QKI: variants seen among roughly 807,000 people sequenced by gnomAD.
The protein encoded by QKI is QKI, KH domain containing RNA binding, also known as KH domain-containing RNA-binding protein QKI.
In QKI, 10 loss-of-function variants were observed where a neutral mutation model predicts 39.0. That is an observed-to-expected ratio of 0.26 (90% CI 0.16 to 0.43). The LOEUF (loss-of-function observed/expected upper bound fraction) is 0.43, where lower values mean the gene tolerates loss of function less well. Among genes scored for constraint, QKI ranks in the 20% least tolerant of loss-of-function variants. The pLI is 1.00. For synonymous variants in QKI, 204 were observed against 155.4 expected, an observed-to-expected ratio of 1.31 and a Z score of -2.33; for missense variants, 218 against 428.0, an observed-to-expected ratio of 0.51 and a Z score of 4.33.
intron 4 of QKI, among the ~76,000 whole-genome samples, chr6:163,556,737 C>G (rs1221143748): frequency 6.6e-6 from 1 of 152,120 alleles, no homozygotes; most frequent in Admixed American, 6.5e-5. Context: ...CCCCCAGACT[C>G]TGCTGGGTGT....
intron 4 of QKI, among the ~76,000 whole-genome samples, chr6:163,549,481 C>A (rs987998736): frequency 1.3e-5 from 2 of 152,092 alleles, no homozygotes; most frequent in Admixed American, 1.3e-4. Flanking sequence ...GAGGCTGAGG[C>A]GGGCGGATCT....
chr6:163,525,446 CCTCCCGAATTCAAGCAGTT>C (rs1162357159), intron 3 of QKI, among the ~76,000 whole-genome samples: 2 of 152,006 alleles, frequency 1.3e-5, no homozygotes, highest in Non-Finnish European at 2.9e-5. Flanking sequence ...GCAGCCTCTG[CCTCCCGAATTCAAGCAGTT>C]CTCCTGCCTC....
At chr6:163,474,984 G>T (rs1006555685) in intron 2 of QKI, among the ~76,000 whole-genome samples, 4 of 152,120 alleles carry the variant, frequency 2.6e-5, no homozygotes, top group Admixed American at 6.6e-5. Flanking sequence ...TATGGTTTTT[G>T]AAGAGTCTAT....
intron 3 of QKI, among the ~76,000 whole-genome samples, chr6:163,518,045 C>A (rs533165250): frequency 6.6e-6 from 1 of 152,052 alleles, no homozygotes. Context: ...GTACAAACTC[C>A]TTTTAATATT....
At position 163,416,169 on chromosome 6, in the gene QKI, G is replaced by A. The variant is rs557066835; in HGVS notation, c.142+834G>A. ...GGGGACGCAGCCGCCTGAGTTTGTAGGACAGGGTTTCGAGACGTTTGGAAA... is the reference window on the plus strand; with the variant it reads ...GGGGACGCAGCCGCCTGAGTTTGTAAGACAGGGTTTCGAGACGTTTGGAAA... On this transcript the variant is annotated intron_variant, in intron 1 of 7. Coordinates refer to ENST00000361752, the MANE Select transcript of QKI (RefSeq NM_006775.3). The A allele has an allele frequency of 1.4e-5, 5 of 349,992 alleles. No individual in the cohort carries two copies. The East Asian group carries it at 2.3e-4, about 16-fold the overall frequency. The allele number at this position is 349,992 out of a possible 1,614,324, so 21.7% of individuals were successfully genotyped here. A position where few individuals can be genotyped will look rare whatever the true frequency, so the allele number is the denominator to read the frequency against.
At chr6:163,533,631 A>G (rs1041408614) in intron 3 of QKI, among the ~76,000 whole-genome samples, 1 of 152,208 alleles carries the variant, frequency 6.6e-6, no homozygotes, top group Non-Finnish European at 1.5e-5. Flanking sequence ...CATCAAAAAG[A>G]ATGTAATGTG....
At chr6:163,490,580 G>C (rs1424557135) in intron 3 of QKI, among the ~76,000 whole-genome samples, 1 of 152,196 alleles carries the variant, frequency 6.6e-6, no homozygotes, top group East Asian at 1.9e-4. Context: ...GTGGATGCTT[G>C]GTGTGTCTCA....
chr6:163,566,650 C>T, intron 6 of QKI, 71 bp from the exon 7 acceptor site: 3 of 1,578,772 alleles, frequency 1.9e-6, no homozygotes, highest in South Asian at 1.2e-5. Flanking sequence ...TTTTGATAAA[C>T]CTGCTGTTAA....
chr6:163,524,229 A>G (rs936806153), intron 3 of QKI, among the ~76,000 whole-genome samples: 2 of 152,114 alleles, frequency 1.3e-5, no homozygotes, highest in African/African-American at 2.4e-5. Context: ...AAACCCAAAG[A>G]TTACAGTTGT....
At chr6:163,502,815 C>G (rs778791920) in intron 3 of QKI, among the ~76,000 whole-genome samples, 1 of 152,130 alleles carries the variant, frequency 6.6e-6, no homozygotes, top group Non-Finnish European at 1.5e-5. Context: ...GATGAACATG[C>G]AAGTTGCATG....
intron 3 of QKI, among the ~76,000 whole-genome samples, chr6:163,513,636 C>T (rs187528715): frequency 1.3e-5 from 2 of 152,066 alleles, no homozygotes; most frequent in Non-Finnish European, 1.5e-5. Flanking sequence ...CAGGAATGTT[C>T]GATGATGCAG....
rs139913701 is a variant in QKI, at chr6:163,555,887, T to G, written c.547-6095T>G. Reference sequence around the variant, plus strand: ...TACTAAATAAACATGATTTTCTTACTTTCTAACATGTGGTCTGATGAATTC... The same window carrying G: ...TACTAAATAAACATGATTTTCTTACGTTCTAACATGTGGTCTGATGAATTC... On this transcript the variant is annotated intron_variant, in intron 4 of 7. Transcript: ENST00000361752. Among the ~76,000 whole-genome samples, 55 of 152,332 alleles carry G rather than the reference T, an allele frequency of 3.6e-4. No homozygotes were observed. The East Asian group carries it at 0.011, about 29-fold the overall frequency.
intron 1 of QKI, among the ~76,000 whole-genome samples, chr6:163,436,746 C>T (rs1789308725): frequency 7.5e-6 from 1 of 133,856 alleles, no homozygotes; most frequent in Non-Finnish European, 1.5e-5. Context: ...GCCAAGATCA[C>T]TCCATTGCTT....
intron 6 of QKI, chr6:163,566,174 G>A: frequency 7.3e-7 from 1 of 1,374,254 alleles, no homozygotes; most frequent in East Asian, 2.7e-5. Flanking sequence ...ATAAAGGAGT[G>A]TATAGTAGTA....
At chr6:163,548,848 C>G (rs1417834160) in intron 4 of QKI, among the ~76,000 whole-genome samples, 2 of 151,992 alleles carry the variant, frequency 1.3e-5, no homozygotes, top group African/African-American at 2.4e-5. Flanking sequence ...GAAAGGAGAC[C>G]CGGAAGGTGA....
At chr6:163,554,236 C>T (rs1782442769) in intron 4 of QKI, among the ~76,000 whole-genome samples, 1 of 152,142 alleles carries the variant, frequency 6.6e-6, no homozygotes, top group African/African-American at 2.4e-5. Context: ...AGACAGCTGC[C>T]TCTGGCAAGT....
intron 3 of QKI, among the ~76,000 whole-genome samples, chr6:163,530,653 C>T (rs1780791357): frequency 6.6e-6 from 1 of 152,036 alleles, no homozygotes; most frequent in South Asian, 2.1e-4. Flanking sequence ...ACCTCAAAGC[C>T]TTTTTTTGTG....
chr6:163,443,581 C>T (rs1789918271), intron 1 of QKI, among the ~76,000 whole-genome samples: 2 of 152,168 alleles, frequency 1.3e-5, no homozygotes, highest in Non-Finnish European at 2.9e-5. Flanking sequence ...ACAACAACAA[C>T]AACAACTCCT....
At chr6:163,492,806 G>A (rs1230625437) in intron 3 of QKI, among the ~76,000 whole-genome samples, 2 of 152,108 alleles carry the variant, frequency 1.3e-5, no homozygotes, top group Non-Finnish European at 2.9e-5. Context: ...GGATGCTTCA[G>A]GGTGTGTAAT....
Sources: gnomAD v4.1 joint callset for allele counts (sites outside exome capture counted in the v4.1 genomes callset) on GRCh38, gnomAD v4.1.1 for gene constraint, MANE v1.5 for transcripts, NCBI Gene and HGNC (gene_info 2026-07-23, HGNC 2026-07-21) for gene names.